Variants in CDH13 observed in about 807,000 individuals in gnomAD.
CDH13 encodes the protein cadherin-13.
In CDH13, 24 loss-of-function variants were observed where a neutral mutation model predicts 63.8. The observed-to-expected ratio is 0.38, with a 90% CI of 0.27 to 0.53. CDH13 has a LOEUF of 0.53. Among genes scored for constraint, CDH13 ranks in the 20% least tolerant of loss-of-function variants. The pLI, the probability that CDH13 is intolerant of heterozygous loss-of-function variation, is 0.85. For synonymous variants in CDH13, 503 were observed against 355.3 expected (o/e 1.42, Z -4.67); for missense variants, 1,049 against 903.1 (o/e 1.16, Z -2.07).
chr16:83,461,014 C>CACAA (rs2073166500), intron 6 of CDH13, among the ~76,000 whole-genome samples: 1 of 151,172 alleles, frequency 6.6e-6, no homozygotes, highest in African/African-American at 2.4e-5. Flanking sequence ...CACACACACA[C>CACAA]ACACACAGAA....
chr16:83,240,902 C>T (rs1281406466), intron 5 of CDH13, among the ~76,000 whole-genome samples: 3 of 151,926 alleles, frequency 2.0e-5, no homozygotes, highest in Non-Finnish European at 4.4e-5. Flanking sequence ...AGCATTAAGT[C>T]CACTCACATT....
intron 8 of CDH13, among the ~76,000 whole-genome samples, chr16:83,643,298 A>AAAG (rs1555507571): frequency 0.012 from 504 of 42,514 alleles, 5 homozygotes; most frequent in Admixed American, 0.054. Flanking sequence ...AAAAAAAAAA[A>AAAG]AAAGAAAAAA....
chr16:83,250,979 A>G (rs1269584665), intron 5 of CDH13, among the ~76,000 whole-genome samples: 2 of 152,160 alleles, frequency 1.3e-5, no homozygotes, highest in African/African-American at 4.8e-5. Context: ...AATATGGTTT[A>G]TATGCTCGGT....
intron 1 of CDH13, among the ~76,000 whole-genome samples, chr16:82,735,729 G>T (rs758323308): frequency 6.6e-5 from 10 of 152,172 alleles, no homozygotes; most frequent in Non-Finnish European, 1.5e-4. Context: ...CCACAATGTT[G>T]CCATCCAGTA....
chr16:82,893,408 A>G (rs2041148336), intron 2 of CDH13, among the ~76,000 whole-genome samples: 1 of 152,232 alleles, frequency 6.6e-6, no homozygotes, highest in Admixed American at 6.5e-5. Flanking sequence ...TGCAAAGCAA[A>G]CCAAGAAAGA....
rs199756336 is a variant in CDH13 at position 83,646,692 on chromosome 16, CAAAAAAA to C, written c.1102-24083_1102-24077del. 8.1e-4 allele frequency among the ~76,000 whole-genome samples: 59 copies of C among 72,688 alleles called. 1 individual carries two copies. The highest frequency in any genetic ancestry group is 2.4e-3 in the African/African-American group (53 of 21,884). 47.7% of individuals were successfully genotyped at this position (72,688 alleles called of 152,430 possible). A position where few individuals can be genotyped will look rare whatever the true frequency, so the allele number is the denominator to read the frequency against. On this transcript the variant is annotated intron_variant, in intron 8 of 13. Transcript: ENST00000567109. ...GGGTGACAAGAGCAAGACTCCGTCT[CAAAAAAA>C]AAAAAAAAAAAAAACACACACACAC...
intron 7 of CDH13, among the ~76,000 whole-genome samples, chr16:83,602,158 T>C (rs1372151768): frequency 2.2e-5 from 2 of 92,306 alleles, no homozygotes; most frequent in Non-Finnish European, 4.4e-5. Context: ...AAGGACAATG[T>C]ATACCCAAGC....
chr16:82,792,072 G>T (rs1243378031), intron 1 of CDH13, among the ~76,000 whole-genome samples: 1 of 152,132 alleles, frequency 6.6e-6, no homozygotes, highest in Non-Finnish European at 1.5e-5. Context: ...TTGAGTGTGG[G>T]ACGGATCTGT....
At chr16:82,967,734 T>C (rs1908070570) in intron 2 of CDH13, among the ~76,000 whole-genome samples, 1 of 152,224 alleles carries the variant, frequency 6.6e-6, no homozygotes, top group African/African-American at 2.4e-5. Context: ...CAGTATTGTG[T>C]CCTTCACAGT....
chr16:82,899,861 T>C (rs572976009), intron 2 of CDH13, among the ~76,000 whole-genome samples: 1 of 152,288 alleles, frequency 6.6e-6, no homozygotes, highest in South Asian at 2.1e-4. Context: ...TATTTCTCCA[T>C]AATAGGCCCA....
chr16:83,712,926 G>A lies in CDH13; in HGVS notation c.1538+34465G>A, dbSNP rs189587589. Reference sequence around the variant, plus strand: ...TTTATTAAAGTAGTAAAAATGTTCCGCAAAGTGACTTTGAAGTAACAGTAC... The same window carrying A: ...TTTATTAAAGTAGTAAAAATGTTCCACAAAGTGACTTTGAAGTAACAGTAC... On this transcript the variant is annotated intron_variant, in intron 10 of 13. Transcript: ENST00000567109. Among the ~76,000 whole-genome samples, 234 of 152,286 alleles carry A rather than the reference G, an allele frequency of 1.5e-3. 1 individual carries two copies. Among genetic ancestry groups the A allele is most frequent in the Middle Eastern group, 6.8e-3 (2 of 294 alleles).
chr16:82,870,401 C>A (rs963144375), intron 2 of CDH13, among the ~76,000 whole-genome samples: 1 of 152,062 alleles, frequency 6.6e-6, no homozygotes. Flanking sequence ...ATGCAGAACA[C>A]TATGGATGGT....
chr16:82,805,786 G>A (rs748716180), intron 1 of CDH13, among the ~76,000 whole-genome samples: 1 of 152,198 alleles, frequency 6.6e-6, no homozygotes, highest in Non-Finnish European at 1.5e-5. Context: ...TTGCCAGTCT[G>A]TTGTGGGTGT....
At chr16:83,406,716 T>C (rs2151450327) in intron 6 of CDH13, among the ~76,000 whole-genome samples, 1 of 152,288 alleles carries the variant, frequency 6.6e-6, no homozygotes, top group Non-Finnish European at 1.5e-5. Flanking sequence ...TCCACCCGCC[T>C]CAACCTCCCA....
chr16:83,683,303 T>A (rs373184071), intron 10 of CDH13, among the ~76,000 whole-genome samples: 4 of 152,212 alleles, frequency 2.6e-5, no homozygotes, highest in Non-Finnish European at 5.9e-5. Context: ...ATCCTTATTA[T>A]AAAGTTAAGA....
chr16:83,276,084 T>G (rs539623813), intron 5 of CDH13, among the ~76,000 whole-genome samples: 1 of 152,256 alleles, frequency 6.6e-6, no homozygotes, highest in East Asian at 1.9e-4. Flanking sequence ...TCATAGCACA[T>G]CAGGATTGAA....
intron 3 of CDH13, among the ~76,000 whole-genome samples, chr16:83,083,729 C>T (rs770692355): frequency 2.0e-5 from 3 of 152,122 alleles, no homozygotes; most frequent in Non-Finnish European, 4.4e-5. Context: ...ATGAAATTTC[C>T]ACTCCCTCAA....
chr16:83,701,298 G>A (rs923556600), intron 10 of CDH13, among the ~76,000 whole-genome samples: 2 of 152,146 alleles, frequency 1.3e-5, no homozygotes, highest in South Asian at 2.1e-4. Flanking sequence ...TGGGGCCATC[G>A]GGTGGCTGCA....
intron 3 of CDH13, among the ~76,000 whole-genome samples, chr16:83,086,442 C>T (rs552958852): frequency 6.6e-6 from 1 of 152,064 alleles, no homozygotes. Flanking sequence ...ATTAGGGTGA[C>T]GATGGTTGTA....
Sources: gnomAD v4.1 joint callset for allele counts (sites outside exome capture counted in the v4.1 genomes callset) on GRCh38, gnomAD v4.1.1 for gene constraint, MANE v1.5 for transcripts, NCBI Gene and HGNC (gene_info 2026-07-23, HGNC 2026-07-21) for gene names.